Variants in TMIE observed in about 807,000 individuals in gnomAD.
TMIE encodes the protein transmembrane inner ear, also known as transmembrane inner ear expressed protein.
In TMIE, 14 loss-of-function variants were observed where a neutral mutation model predicts 16.8. The ratio of observed to expected loss-of-function variants is 0.83; its 90% CI spans 0.55 to 1.30. The LOEUF is 1.30. Ranked by LOEUF, TMIE falls within the 50% of genes most tolerant of loss-of-function variation. The pLI is 0.00. For missense variants in TMIE, 204 were observed against 205.9 expected (o/e 0.99, Z 0.06); for synonymous variants, 75 against 87.2 (o/e 0.86, Z 0.78).
intron 1 of TMIE, among the ~76,000 whole-genome samples, chr3:46,695,235 G>C (rs921117526): frequency 6.6e-6 from 1 of 152,234 alleles, no homozygotes; most frequent in African/African-American, 2.4e-5. Flanking sequence ...GTTCTAAACA[G>C]GCCTCCAAGG....
chr3:46,698,358 A>T (rs1375889385), upstream of TMIE, among the ~76,000 whole-genome samples: 1 of 152,014 alleles, frequency 6.6e-6, no homozygotes, highest in Non-Finnish European at 1.5e-5. Context: ...CTGAGTTTTT[A>T]TACAGTGTAG....
At chr3:46,693,941 C>T (rs1300348852), upstream of TMIE, among the ~76,000 whole-genome samples, 1 of 151,988 alleles carries the variant, frequency 6.6e-6, no homozygotes, top group African/African-American at 2.4e-5. Flanking sequence ...GGAGTCTTGA[C>T]CCCTCCGCCC....
Position 46,709,844 on chromosome 3 carries a change from C to T in TMIE, c.*156C>T, listed in dbSNP as rs1700599108. The T allele has an allele frequency of 6.8e-7, 1 of 1,468,952 alleles. No individual in the cohort carries two copies. The highest frequency in any genetic ancestry group is 9.2e-7 in the Non-Finnish European group (1 of 1,082,280). 91.0% of individuals were successfully genotyped at this position (1,468,952 alleles called of 1,614,324 possible). A position where few individuals can be genotyped will look rare whatever the true frequency, so the allele number is the denominator to read the frequency against. The stretch of plus-strand genomic sequence containing the variant: ...CCACATCCTCATGGCCCATCAGGGG[C>T]AGGAACCAGACAATCTCGTAGGTGT... On this transcript the variant is annotated 3_prime_UTR_variant, in exon 4 of 4. Transcript: ENST00000643606.
At chr3:46,696,276 AG>A (rs1700411232) in intron 1 of TMIE, among the ~76,000 whole-genome samples, 1 of 152,208 alleles carries the variant, frequency 6.6e-6, no homozygotes, top group Non-Finnish European at 1.5e-5. Context: ...ACACTACTCC[AG>A]GGAACACACA....
At chr3:46,704,655 C>T (rs1700525884) in intron 1 of TMIE, among the ~76,000 whole-genome samples, 1 of 148,468 alleles carries the variant, frequency 6.7e-6, no homozygotes, top group Non-Finnish European at 1.5e-5. Context: ...CCCCTAGACA[C>T]CCAGGGCCAG....
Position 46,701,435 on chromosome 3 carries a change from C to T in TMIE, c.-53C>T, listed in dbSNP as rs1360158852. On this transcript the variant is annotated 5_prime_UTR_variant, in exon 1 of 4. Coordinates refer to ENST00000643606, the MANE Select transcript of TMIE (RefSeq NM_147196.3). The surrounding 1 kb of genome is among the most constrained non-coding windows in gnomAD (Gnocchi z 4.3). ...AGCGCCGGCTGGCAGGGGCAGTGACCGGCGGCCGGCCCGTTCGTCCCTGGG... is the reference window on the plus strand; with the variant it reads ...AGCGCCGGCTGGCAGGGGCAGTGACTGGCGGCCGGCCCGTTCGTCCCTGGG... 5 of 1,392,462 alleles carry T rather than the reference C, an allele frequency of 3.6e-6. No homozygotes were observed. In the Middle Eastern group the frequency reaches 5.4e-4, roughly 150 times the overall value. The allele number at this position is 1,392,462 out of a possible 1,614,324, so 86.3% of individuals were successfully genotyped here. A position where few individuals can be genotyped will look rare whatever the true frequency, so the allele number is the denominator to read the frequency against.
chr3:46,709,505 C>T (rs2106787382), intron 3 of TMIE, 74 bp from the exon 4 acceptor site: 5 of 1,613,644 alleles, frequency 3.1e-6, no homozygotes, highest in Non-Finnish European at 3.4e-6. Context: ...TTCTGGGGCT[C>T]TTCCCCTCAG....
In TMIE at chr3:46,705,798, G is replaced by A. The variant is rs201107982; in HGVS notation, c.102G>A (p.Thr34=). 1.8e-4 allele frequency: 290 copies of A among 1,613,764 alleles called. No individual in the cohort carries two copies. In the Middle Eastern group the frequency reaches 1.8e-3, roughly 10 times the overall value. Residue 34 remains threonine (T), a synonymous_variant, in exon 2 of 4, where the codon ACG becomes ACA. Transcript: ENST00000643606. The stretch of plus-strand genomic sequence containing the variant: ...TCTCTCCTGACCCACAGCCCAGCAC[G>A]GCCCCACCCAAGCCCAAGCCGCCTC... ...GVAGQLVEPS[T]APPKPKPPPL...
chr3:46,707,348 C>T (rs1700563753), intron 2 of TMIE, among the ~76,000 whole-genome samples: 1 of 152,234 alleles, frequency 6.6e-6, no homozygotes, highest in South Asian at 2.1e-4. Context: ...GGACATCAAC[C>T]ACACAGACCA....
At chr3:46,699,136 G>A (rs928214180), upstream of TMIE, among the ~76,000 whole-genome samples, 5 of 130,758 alleles carry the variant, frequency 3.8e-5, no homozygotes, top group Non-Finnish European at 7.7e-5. Flanking sequence ...GCAATGGCAC[G>A]ATCTCGGCTT....
At chr3:46,704,356 C>G (rs1700517629) in intron 1 of TMIE, among the ~76,000 whole-genome samples, 1 of 149,892 alleles carries the variant, frequency 6.7e-6, no homozygotes, top group Admixed American at 6.6e-5. Flanking sequence ...CCCTAGACAC[C>G]CAAGGTGGAC....
intron 1 of TMIE, among the ~76,000 whole-genome samples, chr3:46,702,467 A>AGGGAGCTGGCAGACCAGACC (rs1427563171): frequency 6.6e-6 from 1 of 152,066 alleles, no homozygotes; most frequent in East Asian, 1.9e-4. Flanking sequence ...GGAGCCAACG[A>AGGGAGCTGGCAGACCAGACC]GGGAGCTGGC....
At chr3:46,702,793 G>A (rs938652233) in intron 1 of TMIE, among the ~76,000 whole-genome samples, 1 of 152,116 alleles carries the variant, frequency 6.6e-6, no homozygotes, top group African/African-American at 2.4e-5. Flanking sequence ...TGCCCAGAGG[G>A]CATGACCACA....
chr3:46,699,433 A>G (rs182994447), upstream of TMIE, among the ~76,000 whole-genome samples: 1 of 152,166 alleles, frequency 6.6e-6, no homozygotes, highest in Non-Finnish European at 1.5e-5. Context: ...TTACAACTGC[A>G]CTGAGACTTT....
intron 1 of TMIE, among the ~76,000 whole-genome samples, chr3:46,704,425 C>T (rs1283084143): frequency 5.0e-5 from 7 of 139,210 alleles, no homozygotes; most frequent in Non-Finnish European, 7.7e-5. Flanking sequence ...TGGACCATGT[C>T]GCCTAGACAC....
At chr3:46,708,991 A>G in intron 2 of TMIE, 135 bp from the exon 3 acceptor site, 1 of 1,178,288 alleles carries the variant, frequency 8.5e-7, no homozygotes, top group Non-Finnish European at 1.2e-6. Context: ...TTTTGTCAAG[A>G]TGCTGAGCCT....
chr3:46,701,519 G>A lies in TMIE; in HGVS notation c.32G>A (p.Cys11Tyr). 1 of 1,323,996 alleles carries A rather than the reference G, an allele frequency of 7.6e-7. No individual in the cohort carries two copies. The highest frequency in any genetic ancestry group is 2.1e-5 in the South Asian group (1 of 48,550). The allele number at this position is 1,323,996 out of a possible 1,614,324, so 82.0% of individuals were successfully genotyped here. Residue 11 changes from cysteine (C) to tyrosine (Y), a missense_variant, in exon 1 of 4, where the codon TGC (cysteine) becomes TAC (tyrosine). Cys to Tyr is a radical substitution (Grantham distance 194). Coordinates refer to ENST00000643606, the MANE Select transcript of TMIE (RefSeq NM_147196.3). This position sits in a 1 kb window ranked among gnomAD's most constrained non-coding sequence, Gnocchi z 4.3. The part of the protein sequence containing the change: MAGWPGAGPL[C>Y]VLGGAALGVC... The stretch of plus-strand genomic sequence containing the variant: ...GGGTGGCCGGGCGCGGGTCCCCTCT[G>A]CGTGCTGGGCGGCGCCGCACTCGGG...
In TMIE at chr3:46,701,430, G is replaced by A; in HGVS notation, c.-58G>A. 1 of 1,376,716 alleles carries A rather than the reference G, an allele frequency of 7.3e-7. No homozygotes were observed. The highest frequency in any genetic ancestry group is 1.4e-5 in the South Asian group (1 of 71,162). 85.3% of individuals were successfully genotyped at this position (1,376,716 alleles called of 1,614,324 possible). A position where few individuals can be genotyped will look rare whatever the true frequency, so the allele number is the denominator to read the frequency against. ...CACCGAGCGCCGGCTGGCAGGGGCA[G>A]TGACCGGCGGCCGGCCCGTTCGTCC... On this transcript the variant is annotated 5_prime_UTR_variant, in exon 1 of 4. It adds an upstream start codon to the 5' untranslated region. Transcript: ENST00000643606. This position sits in a 1 kb window ranked among gnomAD's most constrained non-coding sequence, Gnocchi z 4.3.
intron 3 of TMIE, 110 bp from the exon 4 acceptor site, chr3:46,709,469 G>C: frequency 1.2e-6 from 2 of 1,609,520 alleles, no homozygotes; most frequent in Non-Finnish European, 1.7e-6. Context: ...GTAGGAAGAA[G>C]GAAGAAAAAG....
Sources: gnomAD v4.1 joint callset for allele counts (sites outside exome capture counted in the v4.1 genomes callset) on GRCh38, gnomAD v4.1.1 for gene constraint, Gnocchi (gnomAD v3.1) non-coding constraint, MANE v1.5 for transcripts, NCBI Gene and HGNC (gene_info 2026-07-23, HGNC 2026-07-21) for gene names.